MOV10L1: variants seen among roughly 807,000 people sequenced by gnomAD.
MOV10L1 encodes the protein RNA helicase Mov10l1.
MOV10L1 carries 110 observed loss-of-function variants against 143.8 expected under a neutral mutation model. The ratio of observed to expected loss-of-function variants is 0.76; its 90% confidence interval spans 0.66 to 0.90. MOV10L1 has a LOEUF of 0.90. Ranked by LOEUF, MOV10L1 falls within the 40% of genes least tolerant of loss-of-function variation. MOV10L1 has a pLI of 0.00. For synonymous variants in MOV10L1, 593 were observed against 581.1 expected (o/e 1.02, Z -0.29); for missense variants, 1,406 against 1,526.8 (o/e 0.92, Z 1.32).
chr22:50,124,972 T>G (rs2062455144), intron 10 of MOV10L1, among the ~76,000 whole-genome samples: 1 of 152,234 alleles, frequency 6.6e-6, no homozygotes, highest in Admixed American at 6.5e-5. Context: ...TCTGTCTCTT[T>G]AAGTTTTTTT....
At chr22:50,110,517 G>C (rs2061995783) in intron 5 of MOV10L1, among the ~76,000 whole-genome samples, 1 of 151,966 alleles carries the variant, frequency 6.6e-6, no homozygotes, top group South Asian at 2.1e-4. Context: ...GGTGGAGTTA[G>C]GGGTCGCTCT....
chr22:50,125,419 A>T lies in MOV10L1; in HGVS notation c.1597A>T (p.Lys533Ter). 6.2e-7 allele frequency: 1 copy of T among 1,614,126 alleles called. No homozygotes were observed. The highest frequency in any genetic ancestry group is 8.5e-7 in the Non-Finnish European group (1 of 1,180,002). Residue 533 changes from lysine (K) to a stop codon, truncating the protein, a stop_gained, in exon 11 of 27, where the codon AAG (lysine) becomes TAG (stop). Coordinates refer to ENST00000262794, the MANE Select transcript of MOV10L1 (RefSeq NM_018995.3). LOFTEE classifies it high-confidence loss of function. ...TCTGAACATGTCAAATTACAAGGAG[A>T]AGTTTTCGACTTTGCTGTGGCTTGA... ...ELLNMSNYKE[K>*]FSTLLWLEEI...
chr22:50,144,451 G>C (rs766594551), intron 18 of MOV10L1, among the ~76,000 whole-genome samples: 3 of 73,524 alleles, frequency 4.1e-5, no homozygotes, highest in Non-Finnish European at 8.6e-5. Flanking sequence ...TTCTCACTCT[G>C]TGTGAGTTAT....
intron 20 of MOV10L1, among the ~76,000 whole-genome samples, chr22:50,150,193 G>A (rs905824195): frequency 3.3e-5 from 5 of 152,204 alleles, no homozygotes; most frequent in African/African-American, 7.2e-5. Context: ...TCATCCAGGC[G>A]AGCTCATCCA....
intron 17 of MOV10L1, 136 bp downstream of exon 17, chr22:50,143,357 T>C: frequency 9.9e-7 from 1 of 1,007,234 alleles, no homozygotes; most frequent in East Asian, 2.5e-5. Context: ...TATTTCATAA[T>C]GTTAAGTCTG....
chr22:50,128,414 A>T lies in MOV10L1; in HGVS notation c.1819-2A>T. Reference sequence around the variant, plus strand: ...CAGGTATATTGTTTGTTCCTTTTTTAGATTCATGAAGAAGATGTAACTCTT... The same window carrying T: ...CAGGTATATTGTTTGTTCCTTTTTTTGATTCATGAAGAAGATGTAACTCTT... On this transcript the variant is annotated splice_acceptor_variant, in intron 12 of 26. Transcript: ENST00000262794. LOFTEE classifies it high-confidence loss of function. 1 of 1,427,470 alleles carries T rather than the reference A, an allele frequency of 7.0e-7. No individual in the cohort carries two copies. Among genetic ancestry groups the T allele is most frequent in the Non-Finnish European group, 9.8e-7 (1 of 1,024,244 alleles). 88.4% of individuals were successfully genotyped at this position (1,427,470 alleles called of 1,614,324 possible).
chr22:50,143,802 T>C (rs562311114), intron 17 of MOV10L1, among the ~76,000 whole-genome samples: 1 of 152,340 alleles, frequency 6.6e-6, no homozygotes, highest in African/African-American at 2.4e-5. Context: ...CAAACAGGTA[T>C]TGAGCGCACA....
intron 1 of MOV10L1, 52 bp from the exon 2 acceptor site, chr22:50,091,949 A>T: frequency 6.4e-7 from 1 of 1,553,326 alleles, no homozygotes; most frequent in Non-Finnish European, 8.8e-7. Context: ...GGTTCACTGT[A>T]GCGTACGCTT....
rs1261320409 is a variant in MOV10L1 at position 50,126,159 on chromosome 22, A to AT, written c.1748-39dup. The AT allele has an allele frequency of 2.8e-6, 4 of 1,413,160 alleles. No homozygotes were observed. In the East Asian group the frequency reaches 9.2e-5, roughly 32 times the overall value. 87.5% of individuals were successfully genotyped at this position (1,413,160 alleles called of 1,614,324 possible). A position where few individuals can be genotyped will look rare whatever the true frequency, so the allele number is the denominator to read the frequency against. ...TTATAGGACAGCACAGAAATTTGTG[A>AT]TTTTGTGTTAGCTTTAAACATGGTA... On this transcript the variant is annotated intron_variant, in intron 11 of 26. Coordinates refer to ENST00000262794, the MANE Select transcript of MOV10L1 (RefSeq NM_018995.3).
At chr22:50,131,198 A>T (rs568104551) in intron 13 of MOV10L1, among the ~76,000 whole-genome samples, 1 of 151,712 alleles carries the variant, frequency 6.6e-6, no homozygotes, top group Non-Finnish European at 1.5e-5. Flanking sequence ...GTGGGCCACC[A>T]CACCCGGCCA....
In MOV10L1 at chr22:50,128,419, C is replaced by A. The variant is rs144277341; in HGVS notation, c.1822C>A (p.His608Asn). Residue 608 changes from histidine to asparagine, a missense_variant, in exon 13 of 27, where the codon CAT (histidine) becomes AAT (asparagine). Around this residue, in one of 3 missense-constraint regions of MOV10L1, gnomAD observed 1,233 missense variants for 1,351.4 expected, o/e 0.91. Transcript: ENST00000262794. ...IEYISYVTEI[H>N]EEDVTLKINP... ...ATATTGTTTGTTCCTTTTTTAGATTCATGAAGAAGATGTAACTCTTAAAAT... is the reference window on the plus strand; with the variant it reads ...ATATTGTTTGTTCCTTTTTTAGATTAATGAAGAAGATGTAACTCTTAAAAT... 6.8e-7 allele frequency: 1 copy of A among 1,460,562 alleles called. No homozygotes were observed. The highest frequency in any genetic ancestry group is 9.5e-7 in the Non-Finnish European group (1 of 1,053,494). 90.5% of individuals were successfully genotyped at this position (1,460,562 alleles called of 1,614,324 possible).
At chr22:50,101,518 G>GT (rs371528543) in intron 3 of MOV10L1, among the ~76,000 whole-genome samples, 41 of 147,678 alleles carry the variant, frequency 2.8e-4, no homozygotes, top group South Asian at 4.3e-4. Context: ...TGTGGGTTTT[G>GT]TTTTTTTTTT....
intron 3 of MOV10L1, among the ~76,000 whole-genome samples, chr22:50,105,936 G>A (rs773368558): frequency 6.6e-6 from 1 of 152,180 alleles, no homozygotes. Flanking sequence ...TCACGTGTGC[G>A]CTATAGCCAT....
At chr22:50,126,852 A>T (rs2062521963) in intron 12 of MOV10L1, among the ~76,000 whole-genome samples, 1 of 152,208 alleles carries the variant, frequency 6.6e-6, no homozygotes, top group African/African-American at 2.4e-5. Flanking sequence ...TACTGTCAGA[A>T]GGAAGAAGGG....
At chr22:50,140,427 T>C (rs1359977414) in intron 15 of MOV10L1, among the ~76,000 whole-genome samples, 1 of 152,208 alleles carries the variant, frequency 6.6e-6, no homozygotes, top group Non-Finnish European at 1.5e-5. Context: ...ACAATGGTTG[T>C]GGGAGGAGGT....
intron 19 of MOV10L1, chr22:50,146,833 C>T (rs1314188100): frequency 2.0e-6 from 1 of 497,796 alleles, no homozygotes; most frequent in African/African-American, 1.9e-5. Flanking sequence ...ACATGATGTC[C>T]TTTCATCATG....
intron 15 of MOV10L1, among the ~76,000 whole-genome samples, chr22:50,140,729 C>CTTTTT (rs3042026): frequency 1.8e-4 from 27 of 147,744 alleles, no homozygotes; most frequent in South Asian, 1.1e-3. Flanking sequence ...TAACGTGAAA[C>CTTTTT]TTTTTTTTTT....
intron 2 of MOV10L1, 127 bp from the exon 3 acceptor site, chr22:50,099,316 C>T: frequency 1.8e-6 from 2 of 1,141,182 alleles, no homozygotes; most frequent in Non-Finnish European, 2.5e-6. Flanking sequence ...CTCACCAGAC[C>T]CGGAATCTGC....
chr22:50,108,532 G>A (rs112945019), intron 4 of MOV10L1, 125 bp from the exon 5 acceptor site: 25,464 of 1,007,834 alleles, frequency 0.025, 433 homozygotes, highest in South Asian at 0.052. Context: ...CCAGTGCTAC[G>A]GGATGGCGGA....
Sources: gnomAD v4.1 joint callset for allele counts (sites outside exome capture counted in the v4.1 genomes callset) on GRCh38, gnomAD v4.1.1 for gene constraint, gnomAD v4.1.1 regional missense constraint, MANE v1.5 for transcripts, NCBI Gene and HGNC (gene_info 2026-07-23, HGNC 2026-07-21) for gene names.